The following ACAD11 variants were observed in gnomAD, a reference collection of about 807,000 sequenced individuals.
ACAD11 encodes the protein acyl-Coenzyme A dehydrogenase family, member 11.
ACAD11 carries 83 observed loss-of-function variants against 102.2 expected under a neutral mutation model. That is an observed-to-expected ratio of 0.81 (90% CI 0.68 to 0.97). The LOEUF is 0.97. Among genes scored for constraint, ACAD11 ranks in the 50% least tolerant of loss-of-function variants. The pLI, the probability that ACAD11 is intolerant of heterozygous loss-of-function variation, is 0.00. For synonymous variants in ACAD11, 324 were observed against 319.8 expected, an observed-to-expected ratio of 1.01 and a Z score of -0.14; for missense variants, 901 against 951.7, an observed-to-expected ratio of 0.95 and a Z score of 0.70.
intron 1 of ACAD11, among the ~76,000 whole-genome samples, chr3:132,647,948 G>T (rs913371475): frequency 1.3e-5 from 2 of 151,928 alleles, no homozygotes; most frequent in African/African-American, 2.4e-5. Context: ...AGTTCTTTGG[G>T]GTCTCTTTTA....
intron 11 of ACAD11, among the ~76,000 whole-genome samples, chr3:132,609,547 C>A (rs965612529): frequency 3.3e-5 from 5 of 152,102 alleles, no homozygotes; most frequent in South Asian, 2.1e-4. Flanking sequence ...TGGATAAACT[C>A]CTGGACACAT....
intron 19 of ACAD11, 95 bp from the exon 20 acceptor site, chr3:132,559,180 T>C: frequency 3.5e-6 from 3 of 864,150 alleles, no homozygotes; most frequent in Non-Finnish European, 5.6e-6. Context: ...CAAGACTATA[T>C]TAATTCTTAA....
intron 13 of ACAD11, among the ~76,000 whole-genome samples, chr3:132,602,384 C>T (rs1938647067): frequency 6.6e-6 from 1 of 152,092 alleles, no homozygotes; most frequent in Admixed American, 6.6e-5. Flanking sequence ...GTTCCAATTT[C>T]TTAACTTCCT....
intron 1 of ACAD11, among the ~76,000 whole-genome samples, chr3:132,656,284 C>T (rs1473412008): frequency 6.6e-6 from 1 of 152,138 alleles, no homozygotes; most frequent in Non-Finnish European, 1.5e-5. Context: ...GTACAATGAA[C>T]ATCTTTGTAG....
At chr3:132,560,351 G>A (rs2107775646) in intron 18 of ACAD11, among the ~76,000 whole-genome samples, 1 of 152,184 alleles carries the variant, frequency 6.6e-6, no homozygotes, top group African/African-American at 2.4e-5. Context: ...AGAAAGCAAA[G>A]GATGAGAGGT....
chr3:132,620,577 T>C (rs115384551), intron 9 of ACAD11, among the ~76,000 whole-genome samples: 2,273 of 152,230 alleles, frequency 0.015, 59 homozygotes, highest in African/African-American at 0.052. Flanking sequence ...AGACTATAAA[T>C]AGAGTAATGA....
intron 5 of ACAD11, among the ~76,000 whole-genome samples, chr3:132,636,158 A>G (rs1271740873): frequency 6.6e-6 from 1 of 152,192 alleles, no homozygotes; most frequent in Non-Finnish European, 1.5e-5. Context: ...TGCATAAATT[A>G]GTGCAAATTA....
intron 11 of ACAD11, among the ~76,000 whole-genome samples, chr3:132,611,072 C>T (rs551305254): frequency 8.6e-5 from 13 of 152,044 alleles, no homozygotes; most frequent in Admixed American, 1.3e-4. Context: ...GTTCAACATA[C>T]GCAAATCAGT....
intron 15 of ACAD11, among the ~76,000 whole-genome samples, chr3:132,578,019 T>C (rs1466919815): frequency 1.3e-5 from 2 of 152,162 alleles, no homozygotes; most frequent in African/African-American, 4.8e-5. Flanking sequence ...CTGCAAGTCT[T>C]ATATCTGCCA....
intron 15 of ACAD11, among the ~76,000 whole-genome samples, 163 bp from the exon 16 acceptor site, chr3:132,577,178 G>A (rs1351448084): frequency 6.6e-6 from 1 of 152,022 alleles, no homozygotes; most frequent in African/African-American, 2.4e-5. Flanking sequence ...CCAGGACCCA[G>A]CAGCCCAGAA....
intron 7 of ACAD11, 91 bp from the exon 8 acceptor site, chr3:132,628,537 T>C: frequency 1.2e-6 from 1 of 860,348 alleles, no homozygotes; most frequent in Non-Finnish European, 1.8e-6. Flanking sequence ...ATATGTGACA[T>C]TATACTCACA....
chr3:132,600,942 C>T (rs759831403), intron 13 of ACAD11: 87 of 1,611,596 alleles, frequency 5.4e-5, no homozygotes, highest in Non-Finnish European at 6.8e-5. Context: ...AATGACAATG[C>T]TAGGTGCATT....
intron 13 of ACAD11, among the ~76,000 whole-genome samples, chr3:132,582,916 AAG>A (rs1937628140): frequency 6.6e-6 from 1 of 152,158 alleles, no homozygotes; most frequent in Non-Finnish European, 1.5e-5. Context: ...TACGACTAAA[AAG>A]GAAGAGAGAG....
At position 132,619,549 on chromosome 3, in the gene ACAD11, AAAGT is replaced by A. The variant is rs753849924; in HGVS notation, c.1198-8_1198-5del. 1.2e-5 allele frequency: 19 copies of A among 1,535,960 alleles called. No individual in the cohort carries two copies. The highest frequency in any genetic ancestry group is 1.7e-5 in the Non-Finnish European group (19 of 1,139,900). On this transcript the variant is annotated splice_polypyrimidine_tract_variant and splice_region_variant and intron_variant, in intron 9 of 19. Coordinates refer to ENST00000264990, the MANE Select transcript of ACAD11 (RefSeq NM_032169.5). ...GAACATAGAACTCAGTTACCTCCTT[AAAGT>A]AATAAAAGAAAAAAATTTCACTAGC...
intron 17 of ACAD11, among the ~76,000 whole-genome samples, chr3:132,567,820 G>T (rs1014997673): frequency 1.3e-5 from 2 of 152,126 alleles, no homozygotes; most frequent in African/African-American, 4.8e-5. Context: ...AAGAATGTCA[G>T]TTCTCACCTC....
chr3:132,631,297 A>G (rs776105527), intron 6 of ACAD11, 44 bp downstream of exon 6: 1 of 1,202,466 alleles, frequency 8.3e-7, no homozygotes, highest in Admixed American at 3.0e-5. Flanking sequence ...TAATAAAGAC[A>G]GTTTTATATT....
chr3:132,650,290 G>A (rs16839479), intron 1 of ACAD11: 17,237 of 152,182 alleles, frequency 0.11, 1,499 homozygotes, highest in East Asian at 0.53. Flanking sequence ...AAACCCTGCC[G>A]TTATCACAGT....
intron 11 of ACAD11, among the ~76,000 whole-genome samples, chr3:132,609,119 A>G (rs891599104): frequency 2.0e-5 from 3 of 152,232 alleles, no homozygotes; most frequent in Non-Finnish European, 4.4e-5. Context: ...ATGTACCAGA[A>G]TCTCTGGGAC....
At chr3:132,610,295 C>A (rs569095293) in intron 11 of ACAD11, among the ~76,000 whole-genome samples, 1 of 151,972 alleles carries the variant, frequency 6.6e-6, no homozygotes, top group African/African-American at 2.4e-5. Flanking sequence ...AAATTGACAC[C>A]CTAACATCAC....
Sources: allele counts gnomAD v4.1 joint callset (sites outside exome capture counted in the v4.1 genomes callset), GRCh38; gene constraint gnomAD v4.1.1; transcripts MANE v1.5; gene names NCBI Gene and HGNC (gene_info 2026-07-23, HGNC 2026-07-21).